Variants in ELF2 observed in about 807,000 individuals in gnomAD.
The protein encoded by ELF2 is ETS-related transcription factor Elf-2.
Under a neutral mutation model 54.8 loss-of-function variants are expected in ELF2, and 11 were observed. The ratio of observed to expected loss-of-function variants is 0.20; its 90% confidence interval spans 0.13 to 0.33. ELF2 has a LOEUF of 0.33. ELF2 is among the 10% of genes least tolerant of loss of function. ELF2 has a pLI of 1.00. For synonymous variants in ELF2, 203 were observed against 245.1 expected (o/e 0.83, Z 1.61); for missense variants, 513 against 703.0 (o/e 0.73, Z 3.06).
Position 139,057,651 on chromosome 4 carries a change from ATTACG to A in ELF2, c.*1327_*1331del, listed in dbSNP as rs1200596723. The stretch of plus-strand genomic sequence containing the variant: ...TGCAGCCAACTAAAATACTAAATTC[ATTACG>A]TTAAGCAGAACATTATAGTTCATCA... On this transcript the variant is annotated 3_prime_UTR_variant, in exon 10 of 10. Transcript: ENST00000686138. The A allele has an allele frequency of 6.6e-6, 1 of 152,214 alleles. No individual in the cohort carries two copies. Among genetic ancestry groups the A allele is most frequent in the Admixed American group, 6.5e-5 (1 of 15,280 alleles). 9.4% of individuals were successfully genotyped at this position (152,214 alleles called of 1,614,324 possible).
At chr4:139,086,000 T>C (rs1441413437) in intron 4 of ELF2, among the ~76,000 whole-genome samples, 1 of 152,194 alleles carries the variant, frequency 6.6e-6, no homozygotes, top group Non-Finnish European at 1.5e-5. Context: ...ACAAAGTGTC[T>C]TGTTACTTCA....
intron 1 of ELF2, among the ~76,000 whole-genome samples, chr4:139,173,292 AATTT>A (rs1292437617): frequency 6.6e-6 from 1 of 152,190 alleles, no homozygotes; most frequent in Admixed American, 6.6e-5. Flanking sequence ...GTCAAAAGCT[AATTT>A]ATTAAAAAGT....
chr4:139,150,367 CAAAA>C (rs1309358254), intron 1 of ELF2, among the ~76,000 whole-genome samples: 1 of 134,486 alleles, frequency 7.4e-6, no homozygotes, highest in Non-Finnish European at 1.6e-5. Flanking sequence ...AACTGCATCT[CAAAA>C]AAAAAAAAAA....
intron 1 of ELF2, among the ~76,000 whole-genome samples, chr4:139,148,570 T>G (rs1048922473): frequency 6.6e-6 from 1 of 152,110 alleles, no homozygotes; most frequent in Non-Finnish European, 1.5e-5. Flanking sequence ...GTATTTAATT[T>G]CTTTTTATTG....
intron 4 of ELF2, among the ~76,000 whole-genome samples, chr4:139,092,427 ATAACATAACATAACAT>A (rs1732757997): frequency 7.0e-6 from 1 of 143,726 alleles, no homozygotes; most frequent in Non-Finnish European, 1.5e-5. Context: ...ATAACATAAC[ATAACATAACATAACAT>A]AACATAACAT....
intron 4 of ELF2, among the ~76,000 whole-genome samples, chr4:139,110,612 A>T (rs1734861625): frequency 6.6e-6 from 1 of 152,218 alleles, no homozygotes; most frequent in East Asian, 1.9e-4. Flanking sequence ...TCTCTTTACA[A>T]TATCCCTAAG....
rs190332794 is a variant in ELF2 at position 139,093,207 on chromosome 4, C to T, written c.239-19640G>A. ...GTTTCGATCTCCTGACCTCGTGATC[C>T]GCCCACCTCGGCCTCCCAAAGTGCT... On this transcript the variant is annotated intron_variant, in intron 4 of 9. Transcript: ENST00000686138. Among the ~76,000 whole-genome samples, 1,009 of 152,112 alleles carry T rather than the reference C, an allele frequency of 6.6e-3. 11 individuals are homozygous for T. The highest frequency in any genetic ancestry group is 0.023 in the African/African-American group (961 of 41,534).
At chr4:139,154,155 T>C (rs776582151) in intron 1 of ELF2, among the ~76,000 whole-genome samples, 6 of 152,226 alleles carry the variant, frequency 3.9e-5, no homozygotes, top group South Asian at 2.1e-4. Context: ...AGAGCTAGTA[T>C]GATTTAAGAG....
intron 4 of ELF2, among the ~76,000 whole-genome samples, chr4:139,075,895 GTC>G (rs1260414396): frequency 4.1e-4 from 62 of 152,260 alleles, no homozygotes; most frequent in Non-Finnish European, 7.4e-4. Flanking sequence ...ATATTTAAGA[GTC>G]TCTAACTTGA....
intron 4 of ELF2, among the ~76,000 whole-genome samples, chr4:139,090,508 T>C (rs1231352876): frequency 1.3e-5 from 2 of 152,220 alleles, no homozygotes; most frequent in African/African-American, 2.4e-5. Context: ...TATAAAGGCA[T>C]TTTTTGTCTT....
At chr4:139,176,657 G>A (rs2148927481) in intron 1 of ELF2, among the ~76,000 whole-genome samples, 1 of 152,110 alleles carries the variant, frequency 6.6e-6, no homozygotes, top group Non-Finnish European at 1.5e-5. Context: ...CCCCCCCGCC[G>A]GGGTCTGTAA....
chr4:139,089,598 G>T (rs558932464), intron 4 of ELF2, among the ~76,000 whole-genome samples: 1 of 152,068 alleles, frequency 6.6e-6, no homozygotes, highest in African/African-American at 2.4e-5. Context: ...ACATGCTCTA[G>T]GTACATAAAT....
At chr4:139,064,010 T>C (rs1305782112) in intron 7 of ELF2, among the ~76,000 whole-genome samples, 1 of 152,332 alleles carries the variant, frequency 6.6e-6, no homozygotes, top group Middle Eastern at 3.4e-3. Flanking sequence ...AAGGTTCTTA[T>C]TAATAGAAGA....
intron 4 of ELF2, among the ~76,000 whole-genome samples, chr4:139,097,581 C>T (rs1041094082): frequency 5.4e-5 from 8 of 147,586 alleles, no homozygotes; most frequent in East Asian, 2.0e-4. Flanking sequence ...CATGCCACTG[C>T]ACTCCAGCCT....
chr4:139,149,606 T>C (rs1739643966), intron 1 of ELF2, among the ~76,000 whole-genome samples: 1 of 152,030 alleles, frequency 6.6e-6, no homozygotes. Flanking sequence ...AGAGCAAGAC[T>C]CCGTCTCAAA....
At chr4:139,074,466 A>G (rs1482801986) in intron 4 of ELF2, among the ~76,000 whole-genome samples, 1 of 152,116 alleles carries the variant, frequency 6.6e-6, no homozygotes, top group Non-Finnish European at 1.5e-5. Context: ...ACAACCTCAG[A>G]TTGAAAATAT....
At chr4:139,072,580 G>A (rs1300785528) in intron 5 of ELF2, among the ~76,000 whole-genome samples, 1 of 152,150 alleles carries the variant, frequency 6.6e-6, no homozygotes, top group African/African-American at 2.4e-5. Flanking sequence ...GGTATTTAAA[G>A]TTTTATTTAA....
intron 1 of ELF2, among the ~76,000 whole-genome samples, chr4:139,174,842 A>C (rs1742746809): frequency 1.3e-5 from 2 of 152,066 alleles, no homozygotes; most frequent in Non-Finnish European, 2.9e-5. Context: ...TGGTGTCCAA[A>C]CTCTGGCCTC....
At chr4:139,128,473 A>T (rs1737159429) in intron 3 of ELF2, among the ~76,000 whole-genome samples, 1 of 151,988 alleles carries the variant, frequency 6.6e-6, no homozygotes, top group Non-Finnish European at 1.5e-5. Context: ...TATTCCTTGT[A>T]ATCTATGTTC....
Sources: allele counts gnomAD v4.1 joint callset (sites outside exome capture counted in the v4.1 genomes callset), GRCh38; gene constraint gnomAD v4.1.1; transcripts MANE v1.5; gene names NCBI Gene and HGNC (gene_info 2026-07-23, HGNC 2026-07-21).